Variants in SETD5 observed in about 807,000 individuals in gnomAD.
SETD5 encodes the protein histone-lysine N-methyltransferase SETD5.
In SETD5, 44 loss-of-function variants were observed where a neutral mutation model predicts 153.3. That is an observed-to-expected ratio of 0.29 (90% confidence interval 0.23 to 0.37). The LOEUF (loss-of-function observed/expected upper bound fraction) is 0.37. Among genes scored for constraint, SETD5 ranks in the 10% least tolerant of loss-of-function variants. SETD5 has a pLI of 1.00. For missense variants in SETD5, 1,544 were observed against 1,768.0 expected, an observed-to-expected ratio of 0.87 and a Z score of 2.27; for synonymous variants, 716 against 645.2, an observed-to-expected ratio of 1.11 and a Z score of -1.66.
chr3:9,459,846 G>A (rs1334290139), intron 17 of SETD5, among the ~76,000 whole-genome samples: 1 of 151,964 alleles, frequency 6.6e-6, no homozygotes, highest in African/African-American at 2.4e-5. Flanking sequence ...TGGGGGAGGA[G>A]AAGTCATAAC....
chr3:9,473,673 C>A, intron 20 of SETD5, 136 bp downstream of exon 20: 1 of 865,970 alleles, frequency 1.2e-6, no homozygotes, highest in Non-Finnish European at 1.7e-6. Flanking sequence ...ACAGTACCAT[C>A]TGTCCTGTTC....
chr3:9,432,373 A>G (rs909528837), intron 3 of SETD5: 29 of 706,916 alleles, frequency 4.1e-5, no homozygotes, highest in Admixed American at 1.3e-4. Flanking sequence ...TCACTTCTCA[A>G]TTGACATTGC....
At chr3:9,457,801 AAAG>A (rs962213891) in intron 17 of SETD5, among the ~76,000 whole-genome samples, 33 of 150,118 alleles carry the variant, frequency 2.2e-4, no homozygotes, top group African/African-American at 8.0e-4. Context: ...TTCATTATGG[AAAG>A]AATATATATA....
chr3:9,433,439 TCTCA>T lies in SETD5; in HGVS notation c.72-399_72-396del, dbSNP rs761488998. The T allele has an allele frequency of 5.3e-5, 68 of 1,289,996 alleles. No homozygotes were observed. The African/African-American group carries it at 1.0e-3, about 19-fold the overall frequency. The allele number at this position is 1,289,996 out of a possible 1,614,324, so 79.9% of individuals were successfully genotyped here. On this transcript the variant is annotated intron_variant, in intron 3 of 22. Transcript: ENST00000402198. The stretch of plus-strand genomic sequence containing the variant: ...GGCAGTGCAGAAGGCACTTTGATCA[TCTCA>T]CTCACTGCAAATGTCATGTGAGGTT...
chr3:9,462,615 T>C (rs2044105994), intron 17 of SETD5, among the ~76,000 whole-genome samples: 1 of 148,488 alleles, frequency 6.7e-6, no homozygotes, highest in South Asian at 2.1e-4. Flanking sequence ...AAAAAGAATA[T>C]AGATAGATGG....
intron 2 of SETD5, among the ~76,000 whole-genome samples, chr3:9,425,055 C>CTTTTTTTTTTGTTTTTTTTTTTT (rs2038953592): frequency 1.2e-5 from 1 of 83,682 alleles, no homozygotes; most frequent in African/African-American, 4.9e-5. Context: ...GACAATGTTT[C>CTTTTTTTTTTGTTTTTTTTTTTT]TTTTTTTTTT....
chr3:9,473,101 G>A (rs573477825), intron 19 of SETD5, 135 bp from the exon 20 acceptor site: 2 of 1,037,870 alleles, frequency 1.9e-6, no homozygotes, highest in South Asian at 3.4e-5. Flanking sequence ...ATCAGGGTTG[G>A]TGTCTGCTTT....
At chr3:9,418,332 T>C (rs2037853566) in intron 1 of SETD5, among the ~76,000 whole-genome samples, 2 of 152,224 alleles carry the variant, frequency 1.3e-5, no homozygotes, top group South Asian at 4.1e-4. Flanking sequence ...GCATAAGTTT[T>C]TTTCATTACA....
intron 1 of SETD5, among the ~76,000 whole-genome samples, chr3:9,404,910 T>C (rs1230563923): frequency 6.6e-6 from 1 of 152,240 alleles, no homozygotes; most frequent in African/African-American, 2.4e-5. Flanking sequence ...ACAAGCACTG[T>C]ACCTCATCTT....
intron 7 of SETD5, among the ~76,000 whole-genome samples, chr3:9,437,822 G>A (rs1006518342): frequency 1.3e-5 from 2 of 152,126 alleles, no homozygotes; most frequent in Admixed American, 1.3e-4. Flanking sequence ...GGCCAACATG[G>A]TGAAACCCCA....
intron 1 of SETD5, among the ~76,000 whole-genome samples, chr3:9,405,536 A>G (rs1479240583): frequency 6.6e-6 from 1 of 152,098 alleles, no homozygotes; most frequent in Non-Finnish European, 1.5e-5. Context: ...ATTTTTTATC[A>G]TTTTTATTGT....
chr3:9,443,878 A>G (rs1351168837), intron 11 of SETD5, among the ~76,000 whole-genome samples: 1 of 152,144 alleles, frequency 6.6e-6, no homozygotes, highest in Admixed American at 6.5e-5. Context: ...ATCCTGGCCA[A>G]TGATGAAACC....
chr3:9,441,670 T>G lies in SETD5; in HGVS notation c.888T>G (p.Thr296=), dbSNP rs1415908669. The change falls in exon 9 of 23, where the codon ACT becomes ACG. Residue 296 remains threonine (T), a synonymous_variant. Coordinates refer to ENST00000402198, the MANE Select transcript of SETD5 (RefSeq NM_001080517.3). The stretch of plus-strand genomic sequence containing the variant: ...CTGCAAGAGATTTGGCTTTGGACAC[T>G]CTTATAATAGAGTATCGTGGGAAAG... ...LRAARDLALD[T]LIIEYRGKVM... 2 of 1,614,012 alleles carry G rather than the reference T, an allele frequency of 1.2e-6. No individual in the cohort carries two copies. The highest frequency in any genetic ancestry group is 2.7e-5 in the African/African-American group (2 of 75,048).
intron 1 of SETD5, among the ~76,000 whole-genome samples, chr3:9,419,134 A>G (rs943594968): frequency 3.3e-5 from 5 of 152,190 alleles, no homozygotes; most frequent in South Asian, 2.1e-4. Context: ...GCCCACTTAC[A>G]GGATTTTTCT....
intron 1 of SETD5, among the ~76,000 whole-genome samples, chr3:9,413,727 A>C (rs1404772058): frequency 2.0e-5 from 3 of 151,514 alleles, no homozygotes; most frequent in Non-Finnish European, 2.9e-5. Flanking sequence ...CTCTTCCAGC[A>C]AAGAGTATAC....
chr3:9,464,790 A>G, intron 18 of SETD5, 118 bp downstream of exon 18: 1 of 1,519,728 alleles, frequency 6.6e-7, no homozygotes. Flanking sequence ...CCATCTCAGT[A>G]AGAGAATGGG....
intron 1 of SETD5, among the ~76,000 whole-genome samples, chr3:9,400,050 G>A (rs2125396980): frequency 6.6e-6 from 1 of 152,328 alleles, no homozygotes; most frequent in African/African-American, 2.4e-5. Context: ...GCAGCACTTA[G>A]GCGATGGCTG....
At chr3:9,407,891 T>C (rs1264480227) in intron 1 of SETD5, among the ~76,000 whole-genome samples, 1 of 151,980 alleles carries the variant, frequency 6.6e-6, no homozygotes, top group Non-Finnish European at 1.5e-5. Context: ...TCCCAGCTAC[T>C]CGGGAGGCTG....
At chr3:9,433,716 C>T (rs552954451) in intron 3 of SETD5, 129 bp from the exon 4 acceptor site, 152 of 996,250 alleles carry the variant, frequency 1.5e-4, no homozygotes, top group South Asian at 1.4e-3. Context: ...ATTGTTTCAC[C>T]GAGTTCTTTC....
Sources: allele counts gnomAD v4.1 joint callset (sites outside exome capture counted in the v4.1 genomes callset), GRCh38; gene constraint gnomAD v4.1.1; transcripts MANE v1.5; gene names NCBI Gene and HGNC (gene_info 2026-07-23, HGNC 2026-07-21).